The following HOMEZ variants were observed in gnomAD, a reference collection of about 807,000 sequenced individuals.
HOMEZ encodes homeobox and leucine zipper encoding, also known as homeobox and leucine zipper protein Homez.
A neutral mutation model predicts 50.1 loss-of-function variants in HOMEZ; 20 were observed. The ratio of observed to expected loss-of-function variants is 0.40; its 90% confidence interval spans 0.28 to 0.58. The LOEUF is 0.58. Among genes scored for constraint, HOMEZ ranks in the 20% least tolerant of loss-of-function variants. HOMEZ has a pLI of 0.46. For missense variants in HOMEZ, 579 were observed against 680.5 expected, an observed-to-expected ratio of 0.85 and a Z score of 1.66; for synonymous variants, 239 against 254.7, an observed-to-expected ratio of 0.94 and a Z score of 0.59.
intron 1 of HOMEZ, among the ~76,000 whole-genome samples, chr14:23,281,584 C>T (rs1452265414): frequency 6.6e-6 from 1 of 152,056 alleles, no homozygotes; most frequent in Non-Finnish European, 1.5e-5. Context: ...CGGGGTGAGA[C>T]AAATTAATGC....
chr14:23,278,432 C>T (rs1406341354), intron 1 of HOMEZ, among the ~76,000 whole-genome samples: 1 of 152,146 alleles, frequency 6.6e-6, no homozygotes, highest in Admixed American at 6.5e-5. Flanking sequence ...GTGGCATGAT[C>T]ATGGCTCATT....
In HOMEZ at chr14:23,275,889, C is replaced by G. The variant is rs202135938; in HGVS notation, c.1339G>C (p.Glu447Gln). ...TPPPSTRSLN[E>Q]RAETPPLPIP... ...GGCAGAGGTGGTGTCTCAGCCCTTT[C>G]GTTCAAGGAGCGGGTTGATGGTGGT... The change falls in exon 2 of 2, where the codon GAA (glutamate) becomes CAA (glutamine). Residue 447 changes from glutamate to glutamine, a missense_variant. Glu to Gln is a conservative substitution (Grantham distance 29). Coordinates refer to ENST00000357460, the MANE Select transcript of HOMEZ (RefSeq NM_020834.3). The G allele has an allele frequency of 1.2e-6, 2 of 1,600,892 alleles. No individual in the cohort carries two copies. The highest frequency in any genetic ancestry group is 1.1e-5 in the South Asian group (1 of 88,406).
intron 1 of HOMEZ, among the ~76,000 whole-genome samples, chr14:23,278,729 A>G (rs8004215): frequency 0.74 from 112,824 of 151,528 alleles, 42,743 homozygotes; most frequent in African/African-American, 0.89. Flanking sequence ...AGACTGGAGT[A>G]GAGTGGCATG....
rs376249061 is a variant in HOMEZ, at chr14:23,275,863, C to A, written c.1365G>T (p.Pro455=). 1.3e-6 allele frequency: 2 copies of A among 1,597,186 alleles called. No homozygotes were observed. Among genetic ancestry groups the A allele is most frequent in the Non-Finnish European group, 1.7e-6 (2 of 1,170,836 alleles). Residue 455 remains proline (P), a synonymous_variant, in exon 2 of 2, where the codon CCG becomes CCT. Transcript: ENST00000357460. ...GTATATCCGGTGGGGGTGGAGGGATCGGCAGAGGTGGTGTCTCAGCCCTTT... is the reference window on the plus strand; with the variant it reads ...GTATATCCGGTGGGGGTGGAGGGATAGGCAGAGGTGGTGTCTCAGCCCTTT... The part of the protein sequence containing the change: ...LNERAETPPL[P]IPPPPPDIQP...
In HOMEZ at chr14:23,275,417, T is replaced by C; in HGVS notation, c.*158A>G. The stretch of plus-strand genomic sequence containing the variant: ...AGTGCCCTATGGTCATTCTCCCTGG[T>C]CCACCCTCACTATATCCCCCTGCCA... On this transcript the variant is annotated 3_prime_UTR_variant, in exon 2 of 2. Coordinates refer to ENST00000357460, the MANE Select transcript of HOMEZ (RefSeq NM_020834.3). 1 of 865,880 alleles carries C rather than the reference T, an allele frequency of 1.2e-6. No individual in the cohort carries two copies. Among genetic ancestry groups the C allele is most frequent in the Non-Finnish European group, 1.7e-6 (1 of 575,476 alleles). 53.6% of individuals were successfully genotyped at this position (865,880 alleles called of 1,614,324 possible). A position where few individuals can be genotyped will look rare whatever the true frequency, so the allele number is the denominator to read the frequency against.
At position 23,276,800 on chromosome 14, in the gene HOMEZ, T is replaced by G; in HGVS notation, c.428A>C (p.His143Pro). The part of the protein sequence containing the change: ...LHFKSLLSFT[H>P]HAGRPPEEVP... ...CTCCTCTGGGGGCCGTCCCGCATGA[T>G]GAGTAAAAGAGAGAAGGGATTTGAA... is the stretch of plus-strand genomic sequence containing the variant. The change falls in exon 2 of 2, where the codon CAT (histidine) becomes CCT (proline). Residue 143 changes from histidine to proline, a missense_variant. Physicochemically the swap from His to Pro is moderately conservative, Grantham distance 77. Transcript: ENST00000357460. The surrounding 1 kb of genome is among the most constrained non-coding windows in gnomAD (Gnocchi z 4.1). 1.9e-6 allele frequency: 3 copies of G among 1,613,966 alleles called. No individual in the cohort carries two copies. The highest frequency in any genetic ancestry group is 2.5e-6 in the Non-Finnish European group (3 of 1,179,860).
chr14:23,279,900 A>G (rs1307495504), intron 1 of HOMEZ, among the ~76,000 whole-genome samples: 1 of 152,180 alleles, frequency 6.6e-6, no homozygotes, highest in Non-Finnish European at 1.5e-5. Context: ...CTCCTGCCTC[A>G]ACCTCCTGAG....
In HOMEZ at chr14:23,272,811, C is replaced by T. The variant is rs1426804765; in HGVS notation, c.*2764G>A. ...TAAACACCCACATCTACCTTCTTGT[C>T]CTCTGCTGCAGACTCTCTACCAACA... On this transcript the variant is annotated 3_prime_UTR_variant, in exon 2 of 2. Coordinates refer to ENST00000357460, the MANE Select transcript of HOMEZ (RefSeq NM_020834.3). The T allele has an allele frequency of 2.6e-6, 4 of 1,541,806 alleles. No individual in the cohort carries two copies. The highest frequency in any genetic ancestry group is 3.5e-6 in the Non-Finnish European group (4 of 1,139,786).
At position 23,276,251 on chromosome 14, in the gene HOMEZ, T is replaced by A; in HGVS notation, c.977A>T (p.His326Leu). The change falls in exon 2 of 2, where the codon CAT (histidine) becomes CTT (leucine). Residue 326 changes from histidine (H) to leucine (L), a missense_variant. Transcript: ENST00000357460. This position sits in a 1 kb window ranked among gnomAD's most constrained non-coding sequence, Gnocchi z 4.1. ...VSPSEQALPP[H>L]LEPAWPQGLR... is the part of the protein sequence containing the mutation. ...CCCTTGGGGCCAGGCTGGTTCCAGATGTGGGGGTAATGCCTGTTCACTGGG... is the reference window on the plus strand; with the variant it reads ...CCCTTGGGGCCAGGCTGGTTCCAGAAGTGGGGGTAATGCCTGTTCACTGGG... 6.2e-7 allele frequency: 1 copy of A among 1,613,928 alleles called. No homozygotes were observed. The highest frequency in any genetic ancestry group is 8.5e-7 in the Non-Finnish European group (1 of 1,179,896).
At position 23,280,706 on chromosome 14, in the gene HOMEZ, T is replaced by TC. The variant is rs1334453353; in HGVS notation, c.41-3520_41-3519insG. Among the ~76,000 whole-genome samples, 3 of 81,810 alleles carry TC rather than the reference T, an allele frequency of 3.7e-5. No homozygotes were observed. The Admixed American group carries it at 4.4e-4, about 12-fold the overall frequency. 53.7% of individuals were successfully genotyped at this position (81,810 alleles called of 152,430 possible). A position where few individuals can be genotyped will look rare whatever the true frequency, so the allele number is the denominator to read the frequency against. ...TATATTTTATTTTTATTTTTATATT[T>TC]TTATTTTTATTTTATTTTATTTTAT... On this transcript the variant is annotated intron_variant, in intron 1 of 1. Coordinates refer to ENST00000357460, the MANE Select transcript of HOMEZ (RefSeq NM_020834.3).
At chr14:23,278,310 C>G (rs1179386677) in intron 1 of HOMEZ, among the ~76,000 whole-genome samples, 1 of 152,074 alleles carries the variant, frequency 6.6e-6, no homozygotes, top group African/African-American at 2.4e-5. Flanking sequence ...AGTGAAGACT[C>G]AACCACAAAA....
rs201309405 is a variant in HOMEZ at position 23,276,560 on chromosome 14, A to G, written c.668T>C (p.Leu223Pro). ...FPYQSDFWQH[L>P]QSSGLSKEQA... ...CTCCTTTGAGAGGCCACTGCTTTGA[A>G]GATGTTGCCAAAAATCTGATTGGTA... The change falls in exon 2 of 2, where the codon CTT (leucine) becomes CCT (proline). Residue 223 changes from leucine (L) to proline (P), a missense_variant. Leu to Pro is a moderately conservative substitution (Grantham distance 98, BLOSUM62 -3). Transcript: ENST00000357460. The surrounding 1 kb of genome is among the most constrained non-coding windows in gnomAD (Gnocchi z 4.1). 150 of 1,614,018 alleles carry G rather than the reference A, an allele frequency of 9.3e-5. No homozygotes were observed. The African/African-American group carries it at 1.9e-3, about 20-fold the overall frequency.
chr14:23,272,926 A>C lies in HOMEZ; in HGVS notation c.*2649T>G. On this transcript the variant is annotated 3_prime_UTR_variant, in exon 2 of 2. Coordinates refer to ENST00000357460, the MANE Select transcript of HOMEZ (RefSeq NM_020834.3). ...AAGATCTGATCTATACATGCTGCTG[A>C]AGGATGGACTGTAGCTTCCAGTACG... 7.8e-7 allele frequency: 1 copy of C among 1,284,000 alleles called. No individual in the cohort carries two copies. Among genetic ancestry groups the C allele is most frequent in the Non-Finnish European group, 1.1e-6 (1 of 925,560 alleles). The allele number at this position is 1,284,000 out of a possible 1,614,324, so 79.5% of individuals were successfully genotyped here.
intron 1 of HOMEZ, among the ~76,000 whole-genome samples, chr14:23,280,968 A>G (rs1467309657): frequency 6.6e-6 from 1 of 150,942 alleles, no homozygotes; most frequent in Non-Finnish European, 1.5e-5. Flanking sequence ...ACAGGATTTC[A>G]CCATGTTGGC....
chr14:23,276,177 A>G lies in HOMEZ; in HGVS notation c.1051T>C (p.Ser351Pro), dbSNP rs750742667. The change falls in exon 2 of 2, where the codon TCC (serine) becomes CCC (proline). Residue 351 changes from serine to proline, a missense_variant. Physicochemically the swap from Ser to Pro is moderately conservative, Grantham distance 74. Coordinates refer to ENST00000357460, the MANE Select transcript of HOMEZ (RefSeq NM_020834.3). This position sits in a 1 kb window ranked among gnomAD's most constrained non-coding sequence, Gnocchi z 4.1. ...PGRVGPTEYL[S>P]PDMQRQRKTK... ...TTTCGCTGGCGTTGCATATCTGGGG[A>G]AAGGTACTCTGTGGGGCCAACTCTA... The G allele has an allele frequency of 1.9e-5, 30 of 1,613,720 alleles. No individual in the cohort carries two copies. Among genetic ancestry groups the G allele is most frequent in the Admixed American group, 1.7e-5 (1 of 59,972 alleles).
chr14:23,285,952 TGGGCCG>T lies in HOMEZ; in HGVS notation c.-6_-1del. 2 of 1,228,780 alleles carry T rather than the reference TGGGCCG, an allele frequency of 1.6e-6. No homozygotes were observed. The highest frequency in any genetic ancestry group is 2.0e-6 in the Non-Finnish European group (2 of 976,746). The allele number at this position is 1,228,780 out of a possible 1,614,324, so 76.1% of individuals were successfully genotyped here. On this transcript the variant is annotated 5_prime_UTR_variant, in exon 1 of 2. Transcript: ENST00000357460. ...GGCGGCGGCTCCCAGCCTCGCACCA[TGGGCCG>T]GGGGGAAGTGGGGGAGAGGGCAGGG...
chr14:23,272,874 T>C lies in HOMEZ; in HGVS notation c.*2701A>G, dbSNP rs890687127. On this transcript the variant is annotated 3_prime_UTR_variant, in exon 2 of 2. Transcript: ENST00000357460. ...GGGATTACCCAGTGGGAGAGAAGCA[T>C]GGACCACTTCTAGATAGATCATCTT... The C allele has an allele frequency of 3.3e-5, 51 of 1,544,578 alleles. No individual in the cohort carries two copies. The East Asian group carries it at 7.1e-4, about 21-fold the overall frequency.
At position 23,276,390 on chromosome 14, in the gene HOMEZ, T is replaced by C; in HGVS notation, c.838A>G (p.Ser280Gly). ...ASSCKEESAS[S>G]VTPSSSSTSS... ...GTAGAGGAAGAAGAGGGAGTAACAC[T>C]AGATGCTGACTCCTCCTTACAACTA... Residue 280 changes from serine to glycine, a missense_variant, in exon 2 of 2, where the codon AGT becomes GGT. Ser to Gly is a moderately conservative substitution (Grantham distance 56). Transcript: ENST00000357460. The surrounding 1 kb of genome is among the most constrained non-coding windows in gnomAD (Gnocchi z 4.1). The C allele has an allele frequency of 6.2e-7, 1 of 1,614,022 alleles. No individual in the cohort carries two copies. Among genetic ancestry groups the C allele is most frequent in the Non-Finnish European group, 8.5e-7 (1 of 1,179,886 alleles).
At chr14:23,277,833 G>A (rs1456561387) in intron 1 of HOMEZ, among the ~76,000 whole-genome samples, 2 of 151,834 alleles carry the variant, frequency 1.3e-5, no homozygotes, top group African/African-American at 4.8e-5. Flanking sequence ...GTCTGTGTGT[G>A]TGTGCGTGTG....
Sources: allele counts gnomAD v4.1 joint callset (sites outside exome capture counted in the v4.1 genomes callset), GRCh38; gene constraint gnomAD v4.1.1; non-coding constraint Gnocchi (gnomAD v3.1); transcripts MANE v1.5; gene names NCBI Gene and HGNC (gene_info 2026-07-23, HGNC 2026-07-21).